The following SEMA3C variants were observed in gnomAD, a reference collection of about 807,000 sequenced individuals.
SEMA3C encodes semaphorin 3C.
Under a neutral mutation model 89.4 loss-of-function variants are expected in SEMA3C, and 47 were observed. That is an observed-to-expected ratio of 0.53 (90% CI 0.42 to 0.67). SEMA3C has a LOEUF of 0.67. Ranked by LOEUF, SEMA3C falls within the 30% of genes least tolerant of loss-of-function variation. The pLI is 0.00. For synonymous variants in SEMA3C, 310 were observed against 320.2 expected (o/e 0.97, Z 0.34); for missense variants, 839 against 929.1 (o/e 0.90, Z 1.26).
intron 11 of SEMA3C, among the ~76,000 whole-genome samples, chr7:80,791,309 T>C (rs1031028327): frequency 2.6e-5 from 4 of 152,154 alleles, no homozygotes; most frequent in Non-Finnish European, 5.9e-5. Context: ...AGAAAAACCA[T>C]TGGGTATAAT....
intron 2 of SEMA3C, among the ~76,000 whole-genome samples, chr7:80,850,974 G>A (rs1790497447): frequency 6.6e-6 from 1 of 152,046 alleles, no homozygotes; most frequent in Admixed American, 6.6e-5. Context: ...TGGAGGCTTT[G>A]GGGATCTGTT....
At chr7:80,885,788 T>A (rs1033591297) in intron 2 of SEMA3C, among the ~76,000 whole-genome samples, 8 of 152,178 alleles carry the variant, frequency 5.3e-5, no homozygotes, top group Non-Finnish European at 2.9e-5. Context: ...ATATCCAGCA[T>A]AGGCACCTAT....
intron 12 of SEMA3C, among the ~76,000 whole-genome samples, chr7:80,783,256 T>A (rs527269991): frequency 6.6e-6 from 1 of 152,290 alleles, no homozygotes; most frequent in African/African-American, 2.4e-5. Context: ...CTCAGGGCTA[T>A]GTTCTTTTCT....
rs372763864 is a variant in SEMA3C at position 80,853,065 on chromosome 7, TA to T, written c.104-24321del. Among the ~76,000 whole-genome samples, 244 of 152,170 alleles carry T rather than the reference TA, an allele frequency of 1.6e-3. 2 individuals carry two copies. The highest frequency in any genetic ancestry group is 5.6e-3 in the African/African-American group (231 of 41,518). ...ACATCACTGATCATCAAAACTACAA[TA>T]AGATATTATCTCACCCCAGTTAAAA... is the stretch of plus-strand genomic sequence containing the variant. On this transcript the variant is annotated intron_variant, in intron 2 of 17. Transcript: ENST00000265361.
intron 13 of SEMA3C, among the ~76,000 whole-genome samples, chr7:80,764,519 C>T (rs1213748016): frequency 1.3e-5 from 2 of 152,120 alleles, no homozygotes; most frequent in African/African-American, 4.8e-5. Flanking sequence ...TGCACTCTGC[C>T]CTGACCAGGT....
At chr7:80,757,627 G>A (rs1009583208) in intron 15 of SEMA3C, among the ~76,000 whole-genome samples, 7 of 152,196 alleles carry the variant, frequency 4.6e-5, no homozygotes, top group African/African-American at 1.7e-4. Context: ...ATTAAGCAAT[G>A]TAGAGAAATC....
At chr7:80,862,463 C>G (rs536360162) in intron 2 of SEMA3C, among the ~76,000 whole-genome samples, 1 of 152,168 alleles carries the variant, frequency 6.6e-6, no homozygotes, top group Non-Finnish European at 1.5e-5. Context: ...AATGGAAACA[C>G]ATCCCATGCT....
rs1178503033 is a variant in SEMA3C at position 80,899,989 on chromosome 7, GGACA to G, written c.103+16686_103+16689del. Among the ~76,000 whole-genome samples, 3 of 152,194 alleles carry G rather than the reference GGACA, an allele frequency of 2.0e-5. 1 individual carries two copies. Among genetic ancestry groups the G allele is most frequent in the African/African-American group, 7.2e-5 (3 of 41,536 alleles). On this transcript the variant is annotated intron_variant, in intron 2 of 17. Coordinates refer to ENST00000265361, the MANE Select transcript of SEMA3C (RefSeq NM_006379.5). The stretch of plus-strand genomic sequence containing the variant: ...GGATACAGGTGCAGTTTTGTTACAT[GGACA>G]GACTGCAAAGTGGTGAAGTCTGGGA...
intron 12 of SEMA3C, among the ~76,000 whole-genome samples, chr7:80,778,456 TG>T (rs1300205283): frequency 5.9e-5 from 9 of 152,304 alleles, no homozygotes; most frequent in African/African-American, 2.2e-4. Flanking sequence ...ATTCATGAAT[TG>T]TATGGTCACT....
At chr7:80,802,520 G>T in intron 9 of SEMA3C, 145 bp downstream of exon 9, 1 of 541,236 alleles carries the variant, frequency 1.8e-6, no homozygotes, top group Non-Finnish European at 3.2e-6. Context: ...GAAAATTTAT[G>T]AACAGTATCT....
At chr7:80,753,718 G>C (rs1583844354) in intron 15 of SEMA3C, among the ~76,000 whole-genome samples, 1 of 152,008 alleles carries the variant, frequency 6.6e-6, no homozygotes, top group African/African-American at 2.4e-5. Flanking sequence ...AAATTCTTTT[G>C]GATAAACAAT....
intron 12 of SEMA3C, among the ~76,000 whole-genome samples, chr7:80,782,241 A>G (rs1436978821): frequency 6.6e-6 from 1 of 152,194 alleles, no homozygotes; most frequent in Non-Finnish European, 1.5e-5. Context: ...TCGAGCACAT[A>G]AGTTAATTCA....
At chr7:80,919,756 T>C (rs551057140), upstream of SEMA3C, among the ~76,000 whole-genome samples, 1 of 151,954 alleles carries the variant, frequency 6.6e-6, no homozygotes, top group Admixed American at 6.6e-5. Flanking sequence ...GCCCAGCTAA[T>C]TTTTGTATTT....
chr7:80,919,009 C>T lies in SEMA3C; in HGVS notation c.-220G>A, dbSNP rs1792345681. On this transcript the variant is annotated 5_prime_UTR_variant, in exon 1 of 18. In the 5' UTR this introduces an upstream ATG that the reference lacks. Transcript: ENST00000265361. ...ATCTCAGCGCTGCAGTGCCGCGGCA[C>T]CCGGAGCTCTTCTCCGCGTCGCTCA... 2 of 985,254 alleles carry T rather than the reference C, an allele frequency of 2.0e-6. No homozygotes were observed. The highest frequency in any genetic ancestry group is 2.4e-6 in the Non-Finnish European group (2 of 829,922). 61.0% of individuals were successfully genotyped at this position (985,254 alleles called of 1,614,324 possible).
rs1048712344 is a variant in SEMA3C at position 80,744,787 on chromosome 7, C to A, written c.*107G>T. On this transcript the variant is annotated 3_prime_UTR_variant, in exon 18 of 18. Coordinates refer to ENST00000265361, the MANE Select transcript of SEMA3C (RefSeq NM_006379.5). ...TAAAACTCACTTCAGGAGTAATCAC[C>A]TTTTTCAGTAATTCCCCTTGGTAAA... 7.7e-7 allele frequency: 1 copy of A among 1,299,620 alleles called. No homozygotes were observed. 80.5% of individuals were successfully genotyped at this position (1,299,620 alleles called of 1,614,324 possible). A position where few individuals can be genotyped will look rare whatever the true frequency, so the allele number is the denominator to read the frequency against.
intron 8 of SEMA3C, 93 bp downstream of exon 8, chr7:80,804,013 T>C: frequency 2.6e-6 from 3 of 1,148,654 alleles, no homozygotes; most frequent in Non-Finnish European, 3.6e-6. Context: ...CAATATTTTA[T>C]TTATTTGTAA....
At chr7:80,824,384 G>A (rs1026336146) in intron 4 of SEMA3C, among the ~76,000 whole-genome samples, 2 of 152,100 alleles carry the variant, frequency 1.3e-5, no homozygotes, top group Non-Finnish European at 2.9e-5. Flanking sequence ...GTTGGAACGA[G>A]TTCACGTGCT....
intron 2 of SEMA3C, among the ~76,000 whole-genome samples, chr7:80,846,437 A>T (rs1316830472): frequency 6.6e-6 from 1 of 152,068 alleles, no homozygotes; most frequent in Non-Finnish European, 1.5e-5. Context: ...GTTCACTGTA[A>T]CCTCTAACTC....
At chr7:80,792,951 A>G (rs1351384797) in intron 11 of SEMA3C, among the ~76,000 whole-genome samples, 1 of 152,192 alleles carries the variant, frequency 6.6e-6, no homozygotes, top group Non-Finnish European at 1.5e-5. Context: ...CTCACCTTGC[A>G]AAATAATAAA....
Sources: allele counts gnomAD v4.1 joint callset (sites outside exome capture counted in the v4.1 genomes callset), GRCh38; gene constraint gnomAD v4.1.1; transcripts MANE v1.5; gene names NCBI Gene and HGNC (gene_info 2026-07-23, HGNC 2026-07-21).